C8orf34: variants seen among roughly 807,000 people sequenced by gnomAD.
The protein encoded by C8orf34 is uncharacterized protein C8orf34.
Under a neutral mutation model 68.3 loss-of-function variants are expected in C8orf34, and 65 were observed. That is an observed-to-expected ratio of 0.95 (90% CI 0.78 to 1.17). The LOEUF (loss-of-function observed/expected upper bound fraction) is 1.17. C8orf34 is among the 50% of genes most tolerant of loss of function. C8orf34 has a pLI of 0.00. For missense variants in C8orf34, 664 were observed against 655.4 expected, an observed-to-expected ratio of 1.01 and a Z score of -0.14; for synonymous variants, 244 against 241.2, an observed-to-expected ratio of 1.01 and a Z score of -0.11.
Position 68,494,501 on chromosome 8 carries a change from T to C in C8orf34, c.765+6450T>C, listed in dbSNP as rs368868110. ...ATAAATAAACTTAACATAGTTGAAC[T>C]GTACACTAAAAATGGTTAAGATGGT... On this transcript the variant is annotated intron_variant, in intron 5 of 13. Transcript: ENST00000518698. Among the ~76,000 whole-genome samples the C allele has an allele frequency of 3.3e-5, 5 of 152,190 alleles. No homozygotes were observed. In the East Asian group the frequency reaches 5.8e-4, roughly 18 times the overall value.
rs374458876 is a variant in C8orf34 at position 68,522,578 on chromosome 8, CAGG to C, written c.938+610_938+612del. On this transcript the variant is annotated intron_variant, in intron 6 of 13. Coordinates refer to ENST00000518698, the MANE Select transcript of C8orf34 (RefSeq NM_052958.4). ...AGACCCCTAATGCTCAAAATGGTGG[CAGG>C]AGATTTACTTTACGTGCCCATGTGC... 3.6e-3 allele frequency among the ~76,000 whole-genome samples: 555 copies of C among 152,200 alleles called. 5 individuals carry two copies. The highest frequency in any genetic ancestry group is 0.012 in the African/African-American group (517 of 41,530).
chr8:68,689,304 AGT>A (rs1245400281), intron 8 of C8orf34, among the ~76,000 whole-genome samples: 5 of 152,056 alleles, frequency 3.3e-5, no homozygotes, highest in Non-Finnish European at 5.9e-5. Flanking sequence ...TATTGGATAC[AGT>A]GTACACTGCT....
At chr8:68,377,301 G>T (rs1275313434) in intron 1 of C8orf34, among the ~76,000 whole-genome samples, 2 of 152,192 alleles carry the variant, frequency 1.3e-5, no homozygotes, top group Non-Finnish European at 2.9e-5. Flanking sequence ...AGGGGGCTGA[G>T]GAGAGAGGAT....
rs538954392 is a variant in C8orf34 at position 68,772,043 on chromosome 8, C to T, written c.1405-4356C>T. Among the ~76,000 whole-genome samples the T allele has an allele frequency of 2.0e-5, 3 of 152,200 alleles. No homozygotes were observed. In the East Asian group the frequency reaches 5.8e-4, roughly 29 times the overall value. ...TTATGGGCCCCTTGGGTTAGAAATGCCCTGGCCATTCATATCGAGCTCCCA... is the reference window on the plus strand; with the variant it reads ...TTATGGGCCCCTTGGGTTAGAAATGTCCTGGCCATTCATATCGAGCTCCCA... On this transcript the variant is annotated intron_variant, in intron 10 of 13. Coordinates refer to ENST00000518698, the MANE Select transcript of C8orf34 (RefSeq NM_052958.4).
chr8:68,796,861 C>G (rs1047129578), intron 12 of C8orf34, among the ~76,000 whole-genome samples: 12 of 132,550 alleles, frequency 9.1e-5, no homozygotes, highest in African/African-American at 2.0e-4. Context: ...GTGTCTTGCT[C>G]TGTCGCTGAG....
chr8:68,576,722 G>A (rs963212549), intron 7 of C8orf34, among the ~76,000 whole-genome samples: 8 of 152,052 alleles, frequency 5.3e-5, no homozygotes, highest in African/African-American at 1.7e-4. Context: ...TTTTAACACA[G>A]CAAAGATTTC....
intron 8 of C8orf34, among the ~76,000 whole-genome samples, chr8:68,660,859 A>G (rs569898638): frequency 6.6e-6 from 1 of 151,696 alleles, no homozygotes; most frequent in African/African-American, 2.4e-5. Flanking sequence ...AATTCCCTGT[A>G]TTCACAGGGC....
In C8orf34 at chr8:68,774,219, A is replaced by G. The variant is rs1290363052; in HGVS notation, c.1405-2180A>G. On this transcript the variant is annotated intron_variant, in intron 10 of 13. Transcript: ENST00000518698. ...GACTGGTTCTGTCATGAAAGAGCCA[A>G]ATTGGAACAGCCCATAGCACTCCCA... Among the ~76,000 whole-genome samples, 8 of 151,876 alleles carry G rather than the reference A, an allele frequency of 5.3e-5. No homozygotes were observed. The East Asian group carries it at 1.5e-3, about 29-fold the overall frequency.
chr8:68,534,784 T>C, intron 7 of C8orf34: 1 of 985,358 alleles, frequency 1.0e-6, no homozygotes, highest in Non-Finnish European at 1.2e-6. Flanking sequence ...GGAGATGCAG[T>C]TGTCCACTCC....
chr8:68,709,046 C>T lies in C8orf34; in HGVS notation c.1294C>T (p.His432Tyr). 1 of 1,612,214 alleles carries T rather than the reference C, an allele frequency of 6.2e-7. No homozygotes were observed. Among genetic ancestry groups the T allele is most frequent in the Non-Finnish European group, 8.5e-7 (1 of 1,179,268 alleles). The change falls in exon 9 of 14, where the codon CAT becomes TAT. Residue 432 changes from histidine (H) to tyrosine (Y), a missense_variant. Physicochemically the swap from His to Tyr is moderately conservative, Grantham distance 83 (BLOSUM62 2). Transcript: ENST00000518698. The part of the protein sequence containing the change: ...ERTEESLPIL[H>Y]SPDEKIPDSF... ...GACAGAAGAGTCACTACCAATACTC[C>T]ATTCTCCAGATGAAAAAATCCCAGA...
In C8orf34 at chr8:68,446,322, T is replaced by C; in HGVS notation, c.476-7T>C. 1 of 1,581,808 alleles carries C rather than the reference T, an allele frequency of 6.3e-7. No individual in the cohort carries two copies. The highest frequency in any genetic ancestry group is 8.5e-7 in the Non-Finnish European group (1 of 1,170,242). On this transcript the variant is annotated splice_polypyrimidine_tract_variant and splice_region_variant and intron_variant, in intron 2 of 13. Coordinates refer to ENST00000518698, the MANE Select transcript of C8orf34 (RefSeq NM_052958.4). Reference sequence around the variant, plus strand: ...GTTGCCATTTTATATATATTTTGTTTTAACAGAATCCAAAGGAACAAGAAG... The same window carrying C: ...GTTGCCATTTTATATATATTTTGTTCTAACAGAATCCAAAGGAACAAGAAG...
At chr8:68,789,896 AG>A (rs1823945744) in intron 12 of C8orf34, among the ~76,000 whole-genome samples, 2 of 152,222 alleles carry the variant, frequency 1.3e-5, no homozygotes, top group African/African-American at 4.8e-5. Context: ...AATCACTCTA[AG>A]AAAGTCCATT....
intron 4 of C8orf34, among the ~76,000 whole-genome samples, chr8:68,479,140 G>C (rs1812747775): frequency 6.6e-6 from 1 of 152,060 alleles, no homozygotes; most frequent in South Asian, 2.1e-4. Context: ...ACTTTATAAA[G>C]AATAATTTTA....
chr8:68,695,685 T>A (rs1349849782), intron 8 of C8orf34: 4 of 152,094 alleles, frequency 2.6e-5, no homozygotes, highest in Non-Finnish European at 5.9e-5. Flanking sequence ...TCTCATCTGA[T>A]CTTGGAAGCT....
intron 10 of C8orf34, among the ~76,000 whole-genome samples, chr8:68,755,837 G>C (rs1585834879): frequency 6.6e-6 from 1 of 151,964 alleles, no homozygotes; most frequent in Admixed American, 6.6e-5. Flanking sequence ...CGAAGCAGGT[G>C]GATCACGAGG....
intron 7 of C8orf34, among the ~76,000 whole-genome samples, chr8:68,616,400 C>A (rs556239943): frequency 9.2e-5 from 14 of 152,304 alleles, no homozygotes; most frequent in Non-Finnish European, 1.9e-4. Flanking sequence ...AATTTTGGAT[C>A]TTTCCTGCTT....
intron 1 of C8orf34, among the ~76,000 whole-genome samples, chr8:68,400,232 T>TTC (rs1221744531): frequency 6.6e-6 from 1 of 152,152 alleles, no homozygotes; most frequent in African/African-American, 2.4e-5. Flanking sequence ...TAGTCATAAA[T>TTC]TCTTTGCCAA....
intron 13 of C8orf34, among the ~76,000 whole-genome samples, chr8:68,817,642 CA>C (rs1824858496): frequency 6.6e-6 from 1 of 152,088 alleles, no homozygotes; most frequent in African/African-American, 2.4e-5. Context: ...ATTCTAGAAA[CA>C]TGAATATTTT....
At chr8:68,658,376 C>T (rs577728010) in intron 8 of C8orf34, among the ~76,000 whole-genome samples, 8 of 152,182 alleles carry the variant, frequency 5.3e-5, no homozygotes, top group African/African-American at 1.9e-4. Flanking sequence ...TTTTGGCCAT[C>T]ATTGTTGCTG....
Sources: allele counts gnomAD v4.1 joint callset (sites outside exome capture counted in the v4.1 genomes callset), GRCh38; gene constraint gnomAD v4.1.1; transcripts MANE v1.5; gene names NCBI Gene and HGNC (gene_info 2026-07-23, HGNC 2026-07-21).